ADARB1: variants seen among roughly 807,000 people sequenced by gnomAD.
ADARB1 encodes adenosine deaminase RNA specific B1.
ADARB1 carries 10 observed loss-of-function variants against 52.4 expected under a neutral mutation model. The ratio of observed to expected loss-of-function variants is 0.19; its 90% CI spans 0.12 to 0.32. The LOEUF is 0.32. Among genes scored for constraint, ADARB1 ranks in the 10% least tolerant of loss-of-function variants. The pLI is 1.00. For synonymous variants in ADARB1, 349 were observed against 371.1 expected (o/e 0.94, Z 0.68); for missense variants, 643 against 922.3 (o/e 0.70, Z 3.92).
chr21:45,112,908 A>G (rs1049439868), intron 1 of ADARB1, among the ~76,000 whole-genome samples: 1 of 152,076 alleles, frequency 6.6e-6, no homozygotes, highest in Admixed American at 6.6e-5. Flanking sequence ...GTGAGGGGCC[A>G]CGTGTGTCCT....
chr21:45,181,325 A>G (rs1270659791), intron 5 of ADARB1, among the ~76,000 whole-genome samples: 2 of 152,082 alleles, frequency 1.3e-5, no homozygotes, highest in Non-Finnish European at 2.9e-5. Context: ...GCCCTAGGAA[A>G]CCTGGCTGCT....
intron 8 of ADARB1, among the ~76,000 whole-genome samples, chr21:45,191,868 ATATATATATATATTTT>A (rs1205555594): frequency 1.1e-4 from 8 of 76,186 alleles, no homozygotes; most frequent in African/African-American, 5.4e-4. Context: ...ATATATATAT[ATATATATATATATTTT>A]TTTTTTTTTT....
At chr21:45,183,138 T>G (rs934011582) in intron 6 of ADARB1, among the ~76,000 whole-genome samples, 3 of 152,244 alleles carry the variant, frequency 2.0e-5, no homozygotes, top group African/African-American at 7.2e-5. Context: ...GTGGTCTTTC[T>G]GTTCTGAAGT....
Position 45,162,403 on chromosome 21 carries a change from A to G in ADARB1, c.-47-9207A>G, listed in dbSNP as rs760007435. ...CCCACTCACTCACACACCCCTTGCC[A>G]CTCCACACCTGGCTCCCCCTTGGCA... On this transcript the variant is annotated intron_variant, in intron 2 of 10. Coordinates refer to ENST00000348831, the MANE Select transcript of ADARB1 (RefSeq NM_001112.4). Among the ~76,000 whole-genome samples, 112 of 151,730 alleles carry G rather than the reference A, an allele frequency of 7.4e-4. No individual in the cohort carries two copies. The Middle Eastern group carries it at 0.014, about 18-fold the overall frequency.
At chr21:45,201,218 C>T (rs2146326793) in intron 8 of ADARB1, among the ~76,000 whole-genome samples, 1 of 152,272 alleles carries the variant, frequency 6.6e-6, no homozygotes, top group Non-Finnish European at 1.5e-5. Context: ...TGTCTGACAC[C>T]CTCTCGCTGG....
At chr21:45,085,999 C>G (rs2086327031) in intron 1 of ADARB1, among the ~76,000 whole-genome samples, 1 of 152,160 alleles carries the variant, frequency 6.6e-6, no homozygotes, top group Non-Finnish European at 1.5e-5. Context: ...TTGCTGGAAG[C>G]CCTTGCTGTA....
intron 2 of ADARB1, among the ~76,000 whole-genome samples, chr21:45,138,837 T>C (rs971592408): frequency 6.6e-5 from 10 of 151,894 alleles, no homozygotes; most frequent in African/African-American, 2.4e-4. Flanking sequence ...CTCAGTTTCC[T>C]GCATGGAAGG....
At chr21:45,162,252 T>C (rs945353495) in intron 2 of ADARB1, among the ~76,000 whole-genome samples, 2 of 152,186 alleles carry the variant, frequency 1.3e-5, no homozygotes, top group African/African-American at 4.8e-5. Flanking sequence ...TTCCCTGGTT[T>C]CAGCCATGGA....
At chr21:45,113,080 C>CAAGG (rs1381895828) in intron 1 of ADARB1, among the ~76,000 whole-genome samples, 2 of 152,082 alleles carry the variant, frequency 1.3e-5, no homozygotes, top group Non-Finnish European at 2.9e-5. Flanking sequence ...TGCTTGCACG[C>CAAGG]CTTTCCTAGG....
At chr21:45,144,424 G>A (rs1392602239) in intron 2 of ADARB1, among the ~76,000 whole-genome samples, 1 of 152,212 alleles carries the variant, frequency 6.6e-6, no homozygotes, top group Non-Finnish European at 1.5e-5. Flanking sequence ...AACTTGCAAA[G>A]ACATGGCAGC....
chr21:45,114,177 C>T (rs2145768051), intron 1 of ADARB1, among the ~76,000 whole-genome samples: 1 of 152,302 alleles, frequency 6.6e-6, no homozygotes, highest in African/African-American at 2.4e-5. Context: ...GTTGTTTTGG[C>T]TCCTACCCTT....
chr21:45,133,064 C>T (rs927613612), intron 2 of ADARB1, among the ~76,000 whole-genome samples: 4 of 152,208 alleles, frequency 2.6e-5, no homozygotes, highest in Admixed American at 6.5e-5. Context: ...TGCTTCTGGG[C>T]GCAAAGCCCT....
At position 45,208,674 on chromosome 21, in the gene ADARB1, GTA is replaced by G. The variant is rs202010868; in HGVS notation, c.1747+3940_1747+3941del. Among the ~76,000 whole-genome samples, 48 of 151,960 alleles carry G rather than the reference GTA, an allele frequency of 3.2e-4. No individual in the cohort carries two copies. The highest frequency in any genetic ancestry group is 8.3e-4 in the South Asian group (4 of 4,820). On this transcript the variant is annotated intron_variant, in intron 9 of 10. Transcript: ENST00000348831. This position sits in a 1 kb window ranked among gnomAD's most constrained non-coding sequence, Gnocchi z 5.6. ...TGAGTGTGTGCATGAGTGCGTGTGT[GTA>G]TGAGTGTGTGTGCATGTGTGTGTGC...
intron 8 of ADARB1, among the ~76,000 whole-genome samples, chr21:45,203,431 GC>G (rs1352962146): frequency 6.6e-6 from 1 of 151,986 alleles, no homozygotes; most frequent in Non-Finnish European, 1.5e-5. Context: ...TCTTTTTATT[GC>G]ATTATTGTTT....
chr21:45,150,551 A>G (rs991126236), intron 2 of ADARB1, among the ~76,000 whole-genome samples: 91 of 152,330 alleles, frequency 6.0e-4, no homozygotes, highest in African/African-American at 2.1e-3. Context: ...AACTATTGAT[A>G]ATTCTGATGT....
chr21:45,139,219 C>T (rs911188419), intron 2 of ADARB1, among the ~76,000 whole-genome samples: 1 of 152,184 alleles, frequency 6.6e-6, no homozygotes, highest in South Asian at 2.1e-4. Context: ...CTGCTCCCAG[C>T]CTTGTTTGTC....
chr21:45,134,652 G>T (rs2089256960), intron 2 of ADARB1: 1 of 443,218 alleles, frequency 2.3e-6, no homozygotes, highest in African/African-American at 2.0e-5. Context: ...TATGGACAAG[G>T]CAGTACAGTA....
At chr21:45,178,435 G>C (rs1537121) in intron 4 of ADARB1, among the ~76,000 whole-genome samples, 88,332 of 152,120 alleles carry the variant, frequency 0.58, 25,793 homozygotes, top group East Asian at 0.64. Flanking sequence ...GGCATGAGGG[G>C]ATGGAGCTGC....
chr21:45,140,219 A>G (rs1285190924), intron 2 of ADARB1, among the ~76,000 whole-genome samples: 3 of 152,134 alleles, frequency 2.0e-5, no homozygotes, highest in Admixed American at 6.5e-5. Context: ...TCATTCTTCT[A>G]AAGTGTGCAC....
Sources: allele counts gnomAD v4.1 joint callset (sites outside exome capture counted in the v4.1 genomes callset), GRCh38; gene constraint gnomAD v4.1.1; non-coding constraint Gnocchi (gnomAD v3.1); transcripts MANE v1.5; gene names NCBI Gene and HGNC (gene_info 2026-07-23, HGNC 2026-07-21).